The following TULP4 variants were observed in gnomAD, a reference collection of about 807,000 sequenced individuals.
The protein encoded by TULP4 is TUB like protein 4.
TULP4 carries 16 observed loss-of-function variants against 129.0 expected under a neutral mutation model. That is an observed-to-expected ratio of 0.12 (90% CI 0.08 to 0.19). The LOEUF is 0.19. Ranked by LOEUF, TULP4 falls within the 10% of genes least tolerant of loss-of-function variation. TULP4 has a pLI of 1.00. For synonymous variants in TULP4, 998 were observed against 854.0 expected (o/e 1.17, Z -2.94); for missense variants, 1,842 against 2,059.1 (o/e 0.89, Z 2.04).
intron 2 of TULP4, among the ~76,000 whole-genome samples, chr6:158,421,288 G>A (rs1261933474): frequency 1.3e-5 from 2 of 152,072 alleles, no homozygotes; most frequent in East Asian, 1.9e-4. Context: ...CGTGAACCCG[G>A]GAGGCGGAGC....
intron 8 of TULP4, among the ~76,000 whole-genome samples, chr6:158,486,387 A>G (rs1008205290): frequency 2.0e-5 from 3 of 152,158 alleles, no homozygotes; most frequent in South Asian, 2.1e-4. Context: ...CCCCATCTCT[A>G]CTAAAAATAT....
At chr6:158,501,640 GT>G (rs778110237) in intron 12 of TULP4, 37 bp from the exon 13 acceptor site, 31 of 1,582,522 alleles carry the variant, frequency 2.0e-5, no homozygotes, top group Non-Finnish European at 2.4e-5. Context: ...TAATGGCAGT[GT>G]TTTTGTAAGC....
chr6:158,354,846 C>T (rs1285001316), intron 1 of TULP4, among the ~76,000 whole-genome samples: 4 of 145,662 alleles, frequency 2.7e-5, no homozygotes, highest in Non-Finnish European at 6.0e-5. Flanking sequence ...TATAACTGCG[C>T]CACTGTACTC....
At chr6:158,401,294 G>A (rs371328771) in intron 1 of TULP4, among the ~76,000 whole-genome samples, 139 of 152,150 alleles carry the variant, frequency 9.1e-4, no homozygotes, top group African/African-American at 3.3e-3. Context: ...GGCTGGTCTC[G>A]AACTCCTGGG....
intron 3 of TULP4, among the ~76,000 whole-genome samples, chr6:158,442,315 G>A (rs760860199): frequency 6.6e-6 from 1 of 152,138 alleles, no homozygotes; most frequent in African/African-American, 2.4e-5. Flanking sequence ...GTTTTGAAGA[G>A]TTGTAAAATT....
chr6:158,425,153 C>CAA (rs562712423), intron 2 of TULP4, among the ~76,000 whole-genome samples: 539 of 39,798 alleles, frequency 0.014, 94 homozygotes, highest in Non-Finnish European at 0.018. Context: ...GACACCATCT[C>CAA]AAAAAAAAAA....
chr6:158,504,972 T>TA (rs1780565992), intron 13 of TULP4, among the ~76,000 whole-genome samples: 1 of 108,898 alleles, frequency 9.2e-6, no homozygotes, highest in African/African-American at 4.1e-5. Flanking sequence ...GTTACCTTGT[T>TA]ATGCTAGTCA....
intron 1 of TULP4, among the ~76,000 whole-genome samples, chr6:158,299,144 G>A (rs376805666): frequency 2.0e-5 from 3 of 152,024 alleles, no homozygotes; most frequent in Non-Finnish European, 4.4e-5. Context: ...CGGTCGGGGT[G>A]GGGGGTAATG....
chr6:158,362,065 G>A (rs930896561), intron 1 of TULP4, among the ~76,000 whole-genome samples: 1 of 152,184 alleles, frequency 6.6e-6, no homozygotes, highest in Admixed American at 6.5e-5. Flanking sequence ...ATTCTACACA[G>A]AAGTACCCAT....
chr6:158,394,816 GA>G (rs1280268928), intron 1 of TULP4, among the ~76,000 whole-genome samples: 5 of 85,174 alleles, frequency 5.9e-5, no homozygotes, highest in Non-Finnish European at 1.2e-4. Context: ...AAAAAAAAAG[GA>G]ACTACCTGAG....
upstream of TULP4, among the ~76,000 whole-genome samples, chr6:158,310,958 C>CT (rs917031926): frequency 1.4e-4 from 21 of 151,010 alleles, no homozygotes; most frequent in African/African-American, 4.1e-4. Context: ...GTGAGGCTGG[C>CT]TTTTTTTTTC....
chr6:158,278,942 T>G (rs55928157), upstream of TULP4, among the ~76,000 whole-genome samples: 1,683 of 11,840 alleles, frequency 0.14, 13 homozygotes, highest in African/African-American at 0.46. Flanking sequence ...TTTTTTTTTG[T>G]TTTTTTTTTT....
chr6:158,348,974 A>G (rs1348684043), intron 1 of TULP4, among the ~76,000 whole-genome samples: 4 of 122,232 alleles, frequency 3.3e-5, no homozygotes, highest in Non-Finnish European at 6.7e-5. Flanking sequence ...GGCGCTCCCC[A>G]TTTCCCAGAT....
At chr6:158,356,430 C>T (rs1780649562) in intron 1 of TULP4, among the ~76,000 whole-genome samples, 1 of 152,132 alleles carries the variant, frequency 6.6e-6, no homozygotes, top group South Asian at 2.1e-4. Context: ...ATGTCAAGAT[C>T]AGGACTATTG....
intron 1 of TULP4, among the ~76,000 whole-genome samples, chr6:158,274,724 C>T (rs1027848419): frequency 1.3e-5 from 2 of 152,160 alleles, no homozygotes; most frequent in African/African-American, 4.8e-5. Flanking sequence ...TTGCAGTGAG[C>T]CGAGATTGCG....
chr6:158,366,368 G>A (rs1780964949), intron 1 of TULP4, among the ~76,000 whole-genome samples: 1 of 152,192 alleles, frequency 6.6e-6, no homozygotes, highest in African/African-American at 2.4e-5. Context: ...TATTTTGGAA[G>A]TTCAGGCTCC....
intron 1 of TULP4, among the ~76,000 whole-genome samples, chr6:158,241,656 G>A (rs943559049): frequency 7.2e-5 from 11 of 152,112 alleles, no homozygotes; most frequent in Non-Finnish European, 1.3e-4. Context: ...GTGCAGTGGC[G>A]TGACCTTGGC....
chr6:158,510,924 G>A lies in TULP4; in HGVS notation c.*4230G>A, dbSNP rs1485950877. 1 of 152,238 alleles carries A rather than the reference G, an allele frequency of 6.6e-6. No homozygotes were observed. Among genetic ancestry groups the A allele is most frequent in the Admixed American group, 6.5e-5 (1 of 15,286 alleles). The allele number at this position is 152,238 out of a possible 1,614,324, so 9.4% of individuals were successfully genotyped here. A position where few individuals can be genotyped will look rare whatever the true frequency, so the allele number is the denominator to read the frequency against. On this transcript the variant is annotated 3_prime_UTR_variant, in exon 14 of 14. Transcript: ENST00000367097. Reference sequence around the variant, plus strand: ...GAGTCCATGGTGTCGCTGTGTGCCTGTATCATTTGGCCAAGTCAATGGTTG... The same window carrying A: ...GAGTCCATGGTGTCGCTGTGTGCCTATATCATTTGGCCAAGTCAATGGTTG...
intron 11 of TULP4, among the ~76,000 whole-genome samples, chr6:158,496,075 T>C (rs1396760139): frequency 2.6e-5 from 4 of 152,076 alleles, no homozygotes; most frequent in Non-Finnish European, 5.9e-5. Context: ...AGTAATGACG[T>C]GAAAATGGCA....
Sources: gnomAD v4.1 joint callset for allele counts (sites outside exome capture counted in the v4.1 genomes callset) on GRCh38, gnomAD v4.1.1 for gene constraint, MANE v1.5 for transcripts, NCBI Gene and HGNC (gene_info 2026-07-23, HGNC 2026-07-21) for gene names.